Variants in ARMC2 observed in about 807,000 individuals in gnomAD.
The protein encoded by ARMC2 is armadillo repeat containing 2, also known as armadillo repeat-containing protein 2.
ARMC2 carries 67 observed loss-of-function variants against 90.3 expected under a neutral mutation model. The ratio of observed to expected loss-of-function variants is 0.74; its 90% confidence interval spans 0.61 to 0.91. ARMC2 has a LOEUF of 0.91. Among genes scored for constraint, ARMC2 ranks in the 40% least tolerant of loss-of-function variants. ARMC2 has a pLI of 0.00. For synonymous variants in ARMC2, 393 were observed against 393.0 expected (o/e 1.00, Z 0.00); for missense variants, 920 against 1,030.9 (o/e 0.89, Z 1.47).
chr6:108,961,442 T>A (rs1056582345), intron 13 of ARMC2, 130 bp from the exon 14 acceptor site: 20 of 956,886 alleles, frequency 2.1e-5, no homozygotes, highest in Non-Finnish European at 2.6e-5. Context: ...TAAAGGTGCC[T>A]CTCCAGGGCC....
chr6:108,957,689 C>A (rs534049307), intron 13 of ARMC2, among the ~76,000 whole-genome samples: 1 of 152,164 alleles, frequency 6.6e-6, no homozygotes, highest in Admixed American at 6.5e-5. Flanking sequence ...CCAGGACTTG[C>A]CTAGAGAGGT....
chr6:108,865,303 T>C (rs935967257), intron 3 of ARMC2, among the ~76,000 whole-genome samples: 3 of 152,174 alleles, frequency 2.0e-5, no homozygotes, highest in African/African-American at 7.2e-5. Flanking sequence ...AATTTAAACT[T>C]ACTTGCAACA....
At chr6:108,881,297 C>CCTTCCTTCCTTCCTTCCTTCCTTT (rs1252319420) in intron 5 of ARMC2, among the ~76,000 whole-genome samples, 4 of 43,022 alleles carry the variant, frequency 9.3e-5, no homozygotes, top group Non-Finnish European at 2.2e-4. Context: ...CCTCCCCTCC[C>CCTTCCTTCCTTCCTTCCTTCCTTT]CTTCCTTCCT....
At chr6:109,014,404 C>T in the ARMC2 span, among the ~76,000 whole-genome samples, 1 of 152,112 alleles carries the variant, frequency 6.6e-6, no homozygotes, top group Admixed American at 6.5e-5. Flanking sequence ...GGCAACTTGA[C>T]CAAAGTTATA....
At chr6:108,928,031 CGT>C in intron 10 of ARMC2, 55 bp from the exon 11 acceptor site, 4 of 1,509,434 alleles carry the variant, frequency 2.7e-6, no homozygotes, top group Non-Finnish European at 3.6e-6. Flanking sequence ...TATGCTGTTT[CGT>C]GTGGTTATAT....
At chr6:108,872,055 A>G (rs377090094) in intron 4 of ARMC2, among the ~76,000 whole-genome samples, 11 of 152,322 alleles carry the variant, frequency 7.2e-5, no homozygotes, top group African/African-American at 1.9e-4. Flanking sequence ...CCTGGGTTTC[A>G]TTTCAGATCT....
At chr6:108,968,777 T>C (rs943294703) in intron 17 of ARMC2, among the ~76,000 whole-genome samples, 1 of 152,254 alleles carries the variant, frequency 6.6e-6, no homozygotes, top group Non-Finnish European at 1.5e-5. Context: ...ACACTGTTTT[T>C]GCAAATACTG....
chr6:109,027,549 G>A, the ARMC2 span, among the ~76,000 whole-genome samples: 1 of 147,636 alleles, frequency 6.8e-6, no homozygotes, highest in Non-Finnish European at 1.5e-5. Context: ...AAACATTTTA[G>A]TCAATCTAAT....
downstream of ARMC2, among the ~76,000 whole-genome samples, chr6:108,975,181 G>GTGTGTGATGTTCCCCTC (rs1230228388): frequency 6.6e-6 from 1 of 151,744 alleles, no homozygotes; most frequent in Non-Finnish European, 1.5e-5. Flanking sequence ...ATGGACCCCA[G>GTGTGTGATGTTCCCCTC]TGTGTGATGT....
chr6:108,860,770 TTGA>T (rs1179033634), intron 3 of ARMC2, among the ~76,000 whole-genome samples: 1 of 152,118 alleles, frequency 6.6e-6, no homozygotes, highest in African/African-American at 2.4e-5. Flanking sequence ...GGCTGTGTTG[TTGA>T]TGACACCCCA....
intron 7 of ARMC2, among the ~76,000 whole-genome samples, chr6:108,902,785 A>G (rs1356333837): frequency 6.6e-6 from 1 of 152,176 alleles, no homozygotes; most frequent in Non-Finnish European, 1.5e-5. Context: ...TCATGAAGGA[A>G]TCTATCAGAG....
intron 12 of ARMC2, among the ~76,000 whole-genome samples, chr6:108,947,396 C>T (rs1415167168): frequency 6.6e-6 from 1 of 152,172 alleles, no homozygotes; most frequent in Non-Finnish European, 1.5e-5. Context: ...AATGAGTCTC[C>T]TGAAGCCTCA....
chr6:108,993,189 C>T, the ARMC2 span, among the ~76,000 whole-genome samples: 5 of 152,134 alleles, frequency 3.3e-5, no homozygotes, highest in East Asian at 1.9e-4. Flanking sequence ...GTATTAGGTT[C>T]GACTTATTCA....
intron 12 of ARMC2, among the ~76,000 whole-genome samples, chr6:108,951,026 C>T (rs1463005147): frequency 3.9e-5 from 6 of 152,126 alleles, no homozygotes; most frequent in South Asian, 2.1e-4. Context: ...CAGAAATGCC[C>T]GAATCATTGC....
chr6:109,040,780 G>A, the ARMC2 span, among the ~76,000 whole-genome samples: 1 of 151,644 alleles, frequency 6.6e-6, no homozygotes, highest in Non-Finnish European at 1.5e-5. Flanking sequence ...AGCCTCCTGA[G>A]TAGCTGGAAC....
chr6:108,882,503 A>G (rs1025146187), intron 5 of ARMC2, among the ~76,000 whole-genome samples: 1 of 152,098 alleles, frequency 6.6e-6, no homozygotes, highest in African/African-American at 2.4e-5. Flanking sequence ...GAGAGATTCT[A>G]AGCCCATATA....
chr6:108,889,697 C>T (rs1242427513), intron 5 of ARMC2, among the ~76,000 whole-genome samples: 4 of 151,666 alleles, frequency 2.6e-5, no homozygotes, highest in Non-Finnish European at 5.9e-5. Flanking sequence ...GATCGTCTCA[C>T]CTAGGCCTCC....
the ARMC2 span, among the ~76,000 whole-genome samples, chr6:109,043,076 C>T: frequency 1.8e-4 from 27 of 151,908 alleles, 1 homozygote. Context: ...TTTTAACAGG[C>T]TAAGGAAGAA....
Position 108,963,012 on chromosome 6 carries a change from A to G in ARMC2, c.2152+885A>G, listed in dbSNP as rs144721109. 5.1e-4 allele frequency among the ~76,000 whole-genome samples: 78 copies of G among 152,308 alleles called. 1 individual carries two copies. The highest frequency in any genetic ancestry group is 1.8e-3 in the African/African-American group (76 of 41,554). ...ACACTCTATCTCTAAAAAATAAAAA[A>G]AATTTAAAAATTAAAAAAGGACAGC... is the stretch of plus-strand genomic sequence containing the variant. On this transcript the variant is annotated intron_variant, in intron 15 of 17. Coordinates refer to ENST00000392644, the MANE Select transcript of ARMC2 (RefSeq NM_032131.6).
Sources: allele counts gnomAD v4.1 joint callset (sites outside exome capture counted in the v4.1 genomes callset), GRCh38; gene constraint gnomAD v4.1.1; transcripts MANE v1.5; gene names NCBI Gene and HGNC (gene_info 2026-07-23, HGNC 2026-07-21).